Variants in LIPJ observed in about 807,000 individuals in gnomAD.
The protein encoded by LIPJ is lipase family member J.
Under a neutral mutation model 39.8 loss-of-function variants are expected in LIPJ, and 33 were observed. The ratio of observed to expected loss-of-function variants is 0.83; its 90% CI spans 0.63 to 1.11. The LOEUF is 1.11. Ranked by LOEUF, LIPJ falls within the 50% of genes least tolerant of loss-of-function variation. LIPJ has a pLI of 0.00. For synonymous variants in LIPJ, 128 were observed against 139.2 expected (o/e 0.92, Z 0.57); for missense variants, 422 against 427.9 (o/e 0.99, Z 0.12).
chr10:88,610,460 G>A (rs557807718), downstream of LIPJ, among the ~76,000 whole-genome samples: 1 of 152,132 alleles, frequency 6.6e-6, no homozygotes, highest in Non-Finnish European at 1.5e-5. Flanking sequence ...ATATTATTAA[G>A]ATATCCACTC....
chr10:88,608,655 A>C (rs1851714525), downstream of LIPJ, among the ~76,000 whole-genome samples: 1 of 152,212 alleles, frequency 6.6e-6, no homozygotes, highest in South Asian at 2.1e-4. Flanking sequence ...CATTAAGCAA[A>C]ACAGGAGTTG....
chr10:88,620,888 C>A, the LIPJ span, among the ~76,000 whole-genome samples: 1,604 of 152,222 alleles, frequency 0.011, 30 homozygotes, highest in African/African-American at 0.037. Flanking sequence ...ACTGGCAGAT[C>A]CAGGGTCTGG....
At chr10:88,600,480 CTG>C (rs1329766837) in intron 8 of LIPJ, among the ~76,000 whole-genome samples, 6 of 152,114 alleles carry the variant, frequency 3.9e-5, no homozygotes, top group Admixed American at 3.3e-4. Context: ...TTCTAATTAT[CTG>C]TTAAAATATT....
At chr10:88,583,045 C>G (rs904272493), upstream of LIPJ, 4 of 1,603,448 alleles carry the variant, frequency 2.5e-6, no homozygotes, top group Non-Finnish European at 3.4e-6. Context: ...GTCCTCTTTT[C>G]CCAGGTTTTG....
chr10:88,596,225 C>T, intron 6 of LIPJ, 55 bp from the exon 7 acceptor site: 1 of 1,123,860 alleles, frequency 8.9e-7, no homozygotes, highest in Non-Finnish European at 1.2e-6. Context: ...TCATCTCTTA[C>T]ATGCTAGTAA....
chr10:88,606,950 A>C, exon 11 of LIPJ: 1 of 1,393,602 alleles, frequency 7.2e-7, no homozygotes. Context: ...ATCATTCCTA[A>C]TGAAATCCAA....
upstream of LIPJ, chr10:88,583,239 C>A: frequency 6.2e-7 from 1 of 1,604,100 alleles, no homozygotes; most frequent in South Asian, 1.1e-5. Context: ...CGGGGCCGTT[C>A]GGCCCGGGCT....
chr10:88,594,594 C>T (rs570394203), intron 5 of LIPJ, 73 bp from the exon 6 acceptor site: 1 of 684,838 alleles, frequency 1.5e-6, no homozygotes, highest in South Asian at 3.0e-5. Context: ...ATTCAGTTAT[C>T]TCTTCATTAT....
At chr10:88,597,123 G>C (rs79242490) in intron 8 of LIPJ, among the ~76,000 whole-genome samples, 187 bp downstream of exon 8, 4,796 of 151,836 alleles carry the variant, frequency 0.032, 100 homozygotes, top group Non-Finnish European at 0.053. Flanking sequence ...AACATGCTGG[G>C]ATTATTTTAC....
exon 9 of LIPJ, chr10:88,602,616 C>T: frequency 2.8e-6 from 4 of 1,418,812 alleles, no homozygotes; most frequent in Non-Finnish European, 3.8e-6. Context: ...CCAGCAGGAA[C>T]ATCTGTTCAA....
chr10:88,621,044 C>T, the LIPJ span, among the ~76,000 whole-genome samples: 36 of 152,264 alleles, frequency 2.4e-4, no homozygotes, highest in Admixed American at 2.4e-3. Flanking sequence ...ACCTAATTAC[C>T]TTACAAACGC....
At chr10:88,583,742 A>G, upstream of LIPJ, 1 of 984,162 alleles carries the variant, frequency 1.0e-6, no homozygotes, top group Non-Finnish European at 1.2e-6. Flanking sequence ...TAGACCTGGG[A>G]CTTTGTGTAA....
At chr10:88,583,557 C>T (rs992424921), upstream of LIPJ, 22 of 1,056,160 alleles carry the variant, frequency 2.1e-5, no homozygotes, top group African/African-American at 3.4e-4. Context: ...GCAGCTTAAC[C>T]TATCTACTGC....
At chr10:88,609,898 CAAA>C (rs11305444), downstream of LIPJ, among the ~76,000 whole-genome samples, 16 of 84,518 alleles carry the variant, frequency 1.9e-4, no homozygotes, top group Admixed American at 3.7e-4. Context: ...GACTCTGTCT[CAAA>C]AAAAAAAAAA....
At chr10:88,608,554 A>T (rs558682839), downstream of LIPJ, among the ~76,000 whole-genome samples, 47 of 152,362 alleles carry the variant, frequency 3.1e-4, no homozygotes, top group South Asian at 3.7e-3. Context: ...CAAGATGCTA[A>T]GAAGAAAGTC....
chr10:88,590,874 A>G (rs750362347), intron 3 of LIPJ, among the ~76,000 whole-genome samples, 178 bp downstream of exon 3: 1 of 151,808 alleles, frequency 6.6e-6, no homozygotes, highest in Non-Finnish European at 1.5e-5. Context: ...TTGTAATGAA[A>G]AATGTGTAAC....
chr10:88,612,634 CAAAG>C, the LIPJ span, among the ~76,000 whole-genome samples: 1 of 151,932 alleles, frequency 6.6e-6, no homozygotes, highest in African/African-American at 2.4e-5. Context: ...TTAAAAAAGA[CAAAG>C]AGAGACATTA....
chr10:88,598,765 G>A (rs1332629630), intron 8 of LIPJ, among the ~76,000 whole-genome samples: 1 of 151,708 alleles, frequency 6.6e-6, no homozygotes, highest in Non-Finnish European at 1.5e-5. Context: ...AAGGTAAACA[G>A]TAGTGACCCA....
At chr10:88,617,463 A>C in the LIPJ span, among the ~76,000 whole-genome samples, 1 of 152,200 alleles carries the variant, frequency 6.6e-6, no homozygotes, top group African/African-American at 2.4e-5. Context: ...TATTCCTTTG[A>C]CTGCATTATT....
Sources: allele counts gnomAD v4.1 joint callset (sites outside exome capture counted in the v4.1 genomes callset), GRCh38; gene constraint gnomAD v4.1.1; transcripts MANE v1.5; gene names NCBI Gene and HGNC (gene_info 2026-07-23, HGNC 2026-07-21).